The following ERC2 variants were observed in gnomAD, a reference collection of about 807,000 sequenced individuals.
ERC2 encodes ELKS/RAB6-interacting/CAST family member 2.
In ERC2, 42 loss-of-function variants were observed where a neutral mutation model predicts 114.8. That is an observed-to-expected ratio of 0.37 (90% confidence interval 0.29 to 0.47). The LOEUF is 0.47. Ranked by LOEUF, ERC2 falls within the 20% of genes least tolerant of loss-of-function variation. The pLI is 0.99. For missense variants in ERC2, 939 were observed against 1,150.7 expected (o/e 0.82, Z 2.66); for synonymous variants, 454 against 425.5 (o/e 1.07, Z -0.82).
chr3:56,003,658 G>C (rs1178761467), intron 10 of ERC2, among the ~76,000 whole-genome samples: 1 of 152,032 alleles, frequency 6.6e-6, no homozygotes, highest in Non-Finnish European at 1.5e-5. Flanking sequence ...CAAAATATCA[G>C]TCAGACTTTA....
intron 1 of ERC2, among the ~76,000 whole-genome samples, chr3:56,457,565 C>T (rs924956169): frequency 3.3e-5 from 5 of 151,934 alleles, no homozygotes; most frequent in South Asian, 2.1e-4. Context: ...TGATCGTATC[C>T]GTCCCCTACT....
intron 7 of ERC2, among the ~76,000 whole-genome samples, chr3:56,064,804 C>T (rs1292417734): frequency 2.6e-5 from 4 of 152,230 alleles, no homozygotes; most frequent in Non-Finnish European, 5.9e-5. Flanking sequence ...CAAACTGCAG[C>T]CCATGGGCCA....
intron 17 of ERC2, among the ~76,000 whole-genome samples, chr3:55,665,541 C>T (rs993314203): frequency 6.6e-6 from 1 of 151,904 alleles, no homozygotes; most frequent in Admixed American, 6.6e-5. Context: ...TCAACAACGC[C>T]GGGAGAAAAT....
intron 3 of ERC2, among the ~76,000 whole-genome samples, chr3:56,211,887 T>C (rs553269158): frequency 3.9e-5 from 6 of 152,244 alleles, no homozygotes; most frequent in Admixed American, 3.9e-4. Flanking sequence ...GCTGGGATAT[T>C]TGGCAAGTCA....
intron 2 of ERC2, among the ~76,000 whole-genome samples, chr3:56,311,546 G>A (rs556960917): frequency 6.6e-5 from 10 of 151,670 alleles, no homozygotes; most frequent in Non-Finnish European, 8.8e-5. Flanking sequence ...TGATCCGCCC[G>A]CCTCGGCCTT....
intron 14 of ERC2, among the ~76,000 whole-genome samples, chr3:55,827,009 C>A (rs1343088840): frequency 6.6e-6 from 1 of 152,228 alleles, no homozygotes; most frequent in Non-Finnish European, 1.5e-5. Flanking sequence ...TTACTTCTTA[C>A]TGACAATGCC....
chr3:56,463,326 G>C (rs1409845051), intron 1 of ERC2, among the ~76,000 whole-genome samples: 4 of 152,220 alleles, frequency 2.6e-5, no homozygotes, highest in Non-Finnish European at 5.9e-5. Context: ...TCAGCAGCAA[G>C]AAGTTAAAGA....
Position 55,754,964 on chromosome 3 carries a change from G to A in ERC2, c.2565-20046C>T, listed in dbSNP as rs575246926. Among the ~76,000 whole-genome samples the A allele has an allele frequency of 2.0e-5, 3 of 152,256 alleles. No individual in the cohort carries two copies. The East Asian group carries it at 5.8e-4, about 29-fold the overall frequency. On this transcript the variant is annotated intron_variant, in intron 14 of 17. Transcript: ENST00000288221. The stretch of plus-strand genomic sequence containing the variant: ...ATTCCTTAGTTAAACAAAAGTGGAG[G>A]TGGGGAAGGAGACACAGCAATTGTC...
At chr3:56,424,406 C>CATT (rs1435083951) in intron 2 of ERC2, among the ~76,000 whole-genome samples, 1 of 152,136 alleles carries the variant, frequency 6.6e-6, no homozygotes, top group East Asian at 1.9e-4. Context: ...ATTTCCCTAC[C>CATT]ATTAGCCAAG....
At chr3:56,238,595 C>G (rs1190171593) in intron 3 of ERC2, among the ~76,000 whole-genome samples, 1 of 152,230 alleles carries the variant, frequency 6.6e-6, no homozygotes, top group Non-Finnish European at 1.5e-5. Flanking sequence ...GAGACTGAAG[C>G]TCCAGGCAGA....
chr3:55,935,161 T>C (rs1197987254), intron 13 of ERC2, among the ~76,000 whole-genome samples: 1 of 152,122 alleles, frequency 6.6e-6, no homozygotes, highest in East Asian at 1.9e-4. Context: ...AGGCTGCTGA[T>C]CAAAATAGGA....
chr3:55,834,140 G>C (rs911920170), intron 14 of ERC2, among the ~76,000 whole-genome samples: 5 of 152,006 alleles, frequency 3.3e-5, no homozygotes, highest in Non-Finnish European at 7.4e-5. Flanking sequence ...AAGAGACTTA[G>C]ACTCCCACAC....
intron 16 of ERC2, among the ~76,000 whole-genome samples, chr3:55,689,147 T>G (rs1027574922): frequency 4.6e-5 from 7 of 152,190 alleles, no homozygotes; most frequent in African/African-American, 1.7e-4. Context: ...TAGGACACGC[T>G]GAGGCAGGGC....
chr3:56,294,050 G>A (rs1380416743), intron 3 of ERC2, among the ~76,000 whole-genome samples: 1 of 152,220 alleles, frequency 6.6e-6, no homozygotes, highest in Non-Finnish European at 1.5e-5. Context: ...TCCAACTATA[G>A]TGATCCTCTA....
chr3:56,389,831 G>A (rs542082356), intron 2 of ERC2, among the ~76,000 whole-genome samples: 147 of 152,186 alleles, frequency 9.7e-4, no homozygotes, highest in African/African-American at 3.3e-3. Flanking sequence ...TGAAGAACCC[G>A]GCAGGAATCT....
At chr3:55,787,742 C>T (rs1487370109) in intron 14 of ERC2, among the ~76,000 whole-genome samples, 1 of 152,262 alleles carries the variant, frequency 6.6e-6, no homozygotes, top group Middle Eastern at 3.4e-3. Flanking sequence ...AGAAAATTTA[C>T]CACTCCATAT....
chr3:55,934,805 AT>A (rs2066333959), intron 13 of ERC2, among the ~76,000 whole-genome samples: 1 of 152,202 alleles, frequency 6.6e-6, no homozygotes, highest in Non-Finnish European at 1.5e-5. Flanking sequence ...ATGACTTTGA[AT>A]TTTCTGCAGT....
At chr3:55,664,912 G>T (rs566756842) in intron 17 of ERC2, among the ~76,000 whole-genome samples, 19 of 152,302 alleles carry the variant, frequency 1.2e-4, no homozygotes, top group Non-Finnish European at 2.5e-4. Flanking sequence ...ATGGAGAAAT[G>T]AGGCCTTGTT....
intron 10 of ERC2, among the ~76,000 whole-genome samples, chr3:55,996,029 G>T (rs1320395255): frequency 2.0e-5 from 3 of 152,170 alleles, no homozygotes; most frequent in African/African-American, 4.8e-5. Flanking sequence ...AACAGACTTG[G>T]ATCTATCATA....
Sources: gnomAD v4.1 joint callset for allele counts (sites outside exome capture counted in the v4.1 genomes callset) on GRCh38, gnomAD v4.1.1 for gene constraint, MANE v1.5 for transcripts, NCBI Gene and HGNC (gene_info 2026-07-23, HGNC 2026-07-21) for gene names.